Variants in CCDC171 observed in about 807,000 individuals in gnomAD.
The protein encoded by CCDC171 is coiled-coil domain containing 171.
In CCDC171, 177 loss-of-function variants were observed where a neutral mutation model predicts 168.2. The observed-to-expected ratio is 1.05, with a 90% CI of 0.93 to 1.19. The LOEUF (loss-of-function observed/expected upper bound fraction) is 1.19. Ranked by LOEUF, CCDC171 falls within the 50% of genes most tolerant of loss-of-function variation. The pLI is 0.00. For synonymous variants in CCDC171, 687 were observed against 540.8 expected (o/e 1.27, Z -3.75); for missense variants, 1,991 against 1,539.0 (o/e 1.29, Z -4.91).
At chr9:15,903,584 G>T (rs1292756228) in intron 24 of CCDC171, among the ~76,000 whole-genome samples, 1 of 152,162 alleles carries the variant, frequency 6.6e-6, no homozygotes, top group African/African-American at 2.4e-5. Flanking sequence ...GCGAAAAACA[G>T]AGCAGAAAAA....
chr9:15,554,263 G>A (rs930224668), intron 1 of CCDC171, among the ~76,000 whole-genome samples: 3 of 152,092 alleles, frequency 2.0e-5, no homozygotes, highest in Non-Finnish European at 4.4e-5. Context: ...ATCGTGATCC[G>A]CCCGCCTCGG....
At chr9:15,952,442 G>T (rs1196988065) in intron 25 of CCDC171, among the ~76,000 whole-genome samples, 2 of 152,136 alleles carry the variant, frequency 1.3e-5, no homozygotes, top group Non-Finnish European at 2.9e-5. Context: ...GTGTTTCCCA[G>T]GCTGGAGTAC....
intron 18 of CCDC171, among the ~76,000 whole-genome samples, chr9:15,773,258 T>C (rs2057107837): frequency 6.6e-6 from 1 of 152,200 alleles, no homozygotes; most frequent in African/African-American, 2.4e-5. Flanking sequence ...ATCATTATTA[T>C]TCACGCATAT....
chr9:15,936,902 T>G (rs1827184499), intron 25 of CCDC171, among the ~76,000 whole-genome samples: 1 of 152,036 alleles, frequency 6.6e-6, no homozygotes, highest in Admixed American at 6.6e-5. Flanking sequence ...CAACTTTTTT[T>G]TTAGGTGGAA....
At chr9:15,637,931 C>T (rs932302243) in intron 7 of CCDC171, among the ~76,000 whole-genome samples, 5 of 152,048 alleles carry the variant, frequency 3.3e-5, no homozygotes, top group Non-Finnish European at 2.9e-5. Context: ...AATAAACATA[C>T]GTGTGCATGT....
chr9:15,748,645 A>G (rs2055475989), intron 18 of CCDC171, among the ~76,000 whole-genome samples: 1 of 152,238 alleles, frequency 6.6e-6, no homozygotes. Context: ...CCCTACAGCC[A>G]GAAGAGAGTG....
At chr9:16,093,693 T>G in the CCDC171 span, among the ~76,000 whole-genome samples, 1 of 152,190 alleles carries the variant, frequency 6.6e-6, no homozygotes, top group African/African-American at 2.4e-5. Flanking sequence ...GCTGAGTTCT[T>G]AAGAGTGAGA....
intron 6 of CCDC171, among the ~76,000 whole-genome samples, chr9:15,598,110 C>T (rs1391044883): frequency 1.3e-5 from 2 of 152,078 alleles, no homozygotes; most frequent in Non-Finnish European, 2.9e-5. Flanking sequence ...CTCCTGGATT[C>T]ATTGATTTTT....
At chr9:15,893,336 A>G (rs1820463002) in intron 24 of CCDC171, among the ~76,000 whole-genome samples, 1 of 151,872 alleles carries the variant, frequency 6.6e-6, no homozygotes, top group South Asian at 2.1e-4. Context: ...AAACCTTAGA[A>G]GAAAATCTAG....
At chr9:15,687,600 G>C (rs2050489254) in intron 10 of CCDC171, among the ~76,000 whole-genome samples, 1 of 152,062 alleles carries the variant, frequency 6.6e-6, no homozygotes, top group Admixed American at 6.6e-5. Flanking sequence ...ACCAAAAGTT[G>C]ATTCTTTGAA....
intron 21 of CCDC171, among the ~76,000 whole-genome samples, chr9:15,844,172 G>C (rs1292408691): frequency 1.3e-5 from 2 of 151,970 alleles, no homozygotes; most frequent in Non-Finnish European, 2.9e-5. Context: ...GCGCCCTCTT[G>C]GTTTGTCATT....
In CCDC171 at chr9:15,727,923, C is replaced by G; in HGVS notation, c.1747C>G (p.Leu583Val). 6.2e-7 allele frequency: 1 copy of G among 1,613,180 alleles called. No homozygotes were observed. The highest frequency in any genetic ancestry group is 2.2e-5 in the East Asian group (1 of 44,836). ...TCAGCACTTGGTAGCAGGCTGTGTG[C>G]TCATAAAACAACCAGAAGGCATGCT... ...LYQHLVAGCV[L>V]IKQPEGMLDK... Residue 583 changes from leucine (L) to valine (V), a missense_variant, in exon 15 of 26, where the codon CTC becomes GTC. Coordinates refer to ENST00000380701, the MANE Select transcript of CCDC171 (RefSeq NM_173550.4).
At chr9:15,993,992 C>A (rs1414764826) in intron 3 of CCDC171, among the ~76,000 whole-genome samples, 1 of 152,192 alleles carries the variant, frequency 6.6e-6, no homozygotes, top group African/African-American at 2.4e-5. Context: ...GTTGGTGGGA[C>A]TGTAAACTAG....
intron 24 of CCDC171, among the ~76,000 whole-genome samples, chr9:15,898,272 G>T (rs1398135013): frequency 6.6e-6 from 1 of 152,156 alleles, no homozygotes; most frequent in African/African-American, 2.4e-5. Flanking sequence ...TGATTGTAGA[G>T]TGTGGGGTTC....
chr9:16,101,468 G>T, the CCDC171 span, among the ~76,000 whole-genome samples: 1 of 152,304 alleles, frequency 6.6e-6, no homozygotes, highest in East Asian at 1.9e-4. Context: ...GGTGAAACCC[G>T]TGAATGTGAT....
At chr9:16,042,393 C>T (rs1833587293), upstream of CCDC171, among the ~76,000 whole-genome samples, 1 of 152,088 alleles carries the variant, frequency 6.6e-6, no homozygotes, top group Admixed American at 6.5e-5. Flanking sequence ...CCTCTTGAGG[C>T]CAGGTGGCAG....
rs1032913440 is a variant in CCDC171, at chr9:15,765,687, T to A, written c.2672-11913T>A. Reference sequence around the variant, plus strand: ...AATGAGAAATAGTCATTCAGGTGAGTGGGAGATTAAGTTCATCAGATGATC... The same window carrying A: ...AATGAGAAATAGTCATTCAGGTGAGAGGGAGATTAAGTTCATCAGATGATC... On this transcript the variant is annotated intron_variant, in intron 18 of 25. Transcript: ENST00000380701. Among the ~76,000 whole-genome samples, 45 of 152,064 alleles carry A rather than the reference T, an allele frequency of 3.0e-4. 1 individual carries two copies. The highest frequency in any genetic ancestry group is 9.2e-4 in the Admixed American group (14 of 15,260).
intron 11 of CCDC171, among the ~76,000 whole-genome samples, chr9:15,710,235 G>T (rs1037627878): frequency 2.0e-5 from 3 of 152,114 alleles, no homozygotes; most frequent in African/African-American, 7.2e-5. Flanking sequence ...TTAGTATGCA[G>T]AGAAGGTCTA....
chr9:15,689,163 A>G (rs776999585), intron 10 of CCDC171, among the ~76,000 whole-genome samples: 1 of 152,240 alleles, frequency 6.6e-6, no homozygotes, highest in Non-Finnish European at 1.5e-5. Flanking sequence ...CAAAAGAAGC[A>G]TAAAACTTGT....
Sources: gnomAD v4.1 joint callset for allele counts (sites outside exome capture counted in the v4.1 genomes callset) on GRCh38, gnomAD v4.1.1 for gene constraint, MANE v1.5 for transcripts, NCBI Gene and HGNC (gene_info 2026-07-23, HGNC 2026-07-21) for gene names.